CDH26: variants seen among roughly 807,000 people sequenced by gnomAD.
CDH26 encodes the protein cadherin-like protein 26.
CDH26 carries 83 observed loss-of-function variants against 90.3 expected under a neutral mutation model. That is an observed-to-expected ratio of 0.92 (90% CI 0.77 to 1.10). CDH26 has a LOEUF of 1.10. Ranked by LOEUF, CDH26 falls within the 50% of genes least tolerant of loss-of-function variation. CDH26 has a pLI of 0.00. For synonymous variants in CDH26, 397 were observed against 396.3 expected, an observed-to-expected ratio of 1.00 and a Z score of -0.02; for missense variants, 1,013 against 1,037.6, an observed-to-expected ratio of 0.98 and a Z score of 0.33.
rs142802944 is a variant in CDH26, at chr20:59,970,300, A to G, written c.231+114A>G. ...ATGTGCTAGTGAGGCCAGGGAGTGA[A>G]GTAGAGCAGAAGGAGCACTGGCCTG... On this transcript the variant is annotated intron_variant, in intron 3 of 17. Transcript: ENST00000348616. The G allele has an allele frequency of 1.4e-3, 2,016 of 1,404,368 alleles. 3 individuals are homozygous for G. Among genetic ancestry groups the G allele is most frequent in the Non-Finnish European group, 1.8e-3 (1,899 of 1,056,646 alleles). The allele number at this position is 1,404,368 out of a possible 1,614,324, so 87.0% of individuals were successfully genotyped here.
intron 15 of CDH26, 68 bp downstream of exon 15, chr20:60,001,479 A>G: frequency 6.3e-7 from 1 of 1,578,116 alleles, no homozygotes; most frequent in Non-Finnish European, 8.6e-7. Flanking sequence ...TCCCCCTGAG[A>G]GAGGGCCGTT....
intron 1 of CDH26, among the ~76,000 whole-genome samples, chr20:59,967,863 TTCTTTCTTTCTTTCTTC>T: frequency 8.6e-6 from 1 of 116,380 alleles, no homozygotes; most frequent in African/African-American, 4.9e-5. Flanking sequence ...CTTTCTTTCT[TTCTTTCTTTCTTTCTTC>T]CTTCCTTCCT....
At chr20:60,018,985 A>C (rs2061930670), downstream of CDH26, among the ~76,000 whole-genome samples, 1 of 152,012 alleles carries the variant, frequency 6.6e-6, no homozygotes, top group Non-Finnish European at 1.5e-5. Flanking sequence ...TGCTTGGTAT[A>C]ATATTATAGT....
chr20:60,003,551 A>G (rs2061702817), intron 16 of CDH26, among the ~76,000 whole-genome samples: 1 of 152,176 alleles, frequency 6.6e-6, no homozygotes, highest in African/African-American at 2.4e-5. Flanking sequence ...TTACAATGTT[A>G]GGATTCTCTT....
At chr20:59,972,369 G>A (rs2061273506) in intron 4 of CDH26, among the ~76,000 whole-genome samples, 1 of 152,156 alleles carries the variant, frequency 6.6e-6, no homozygotes, top group South Asian at 2.1e-4. Flanking sequence ...AATGACCAGT[G>A]TCCTAGCATG....
downstream of CDH26, among the ~76,000 whole-genome samples, chr20:60,035,837 G>A (rs1297141140): frequency 6.6e-6 from 1 of 151,924 alleles, no homozygotes; most frequent in African/African-American, 2.4e-5. Context: ...GTGAAGAAGA[G>A]CATGTTTGCT....
chr20:59,962,665 C>A (rs560789470), intron 1 of CDH26, among the ~76,000 whole-genome samples: 1 of 152,134 alleles, frequency 6.6e-6, no homozygotes, highest in Non-Finnish European at 1.5e-5. Context: ...CTTCAATATA[C>A]GCTTTTAGGG....
rs571293119 is a variant in CDH26, at chr20:59,994,537, T to G, written c.1666+48T>G. 3.1e-6 allele frequency: 5 copies of G among 1,602,192 alleles called. No homozygotes were observed. In the Middle Eastern group the frequency reaches 6.6e-4, roughly 213 times the overall value. On this transcript the variant is annotated intron_variant, in intron 11 of 17. Transcript: ENST00000348616. ...GGCAAAGAGTGGAAAATGCCAGATA[T>G]CCAATTCAAACAGATTTAGGCAAAA...
intron 1 of CDH26, among the ~76,000 whole-genome samples, chr20:59,961,681 C>T (rs2061076585): frequency 6.6e-6 from 1 of 152,176 alleles, no homozygotes; most frequent in African/African-American, 2.4e-5. Flanking sequence ...TCCCCACACC[C>T]TTTCTTTGTC....
At chr20:59,977,433 G>A (rs1187595249) in intron 4 of CDH26, among the ~76,000 whole-genome samples, 1 of 151,896 alleles carries the variant, frequency 6.6e-6, no homozygotes, top group Non-Finnish European at 1.5e-5. Flanking sequence ...TTATACTAGA[G>A]CAATGAGAGA....
At chr20:59,973,050 T>TCTGTTAAAAAGAAGGACTTTTAACAGTGC (rs1200155249) in intron 4 of CDH26, among the ~76,000 whole-genome samples, 6 of 152,314 alleles carry the variant, frequency 3.9e-5, no homozygotes, top group African/African-American at 9.6e-5. Context: ...ATTCACAGTG[T>TCTGTTAAAAAGAAGGACTTTTAACAGTGC]CTGTTAAAAA....
intron 4 of CDH26, among the ~76,000 whole-genome samples, chr20:59,979,601 CTTTTTTTTTTTTTTTT>C (rs559969476): frequency 2.4e-3 from 114 of 47,450 alleles, no homozygotes; most frequent in Non-Finnish European, 3.1e-3. Flanking sequence ...CTGCTATGCA[CTTTTTTTTTTTTTTTT>C]TTTTTTTTTT....
chr20:60,000,418 C>T (rs940725858), intron 14 of CDH26, among the ~76,000 whole-genome samples: 3 of 152,182 alleles, frequency 2.0e-5, no homozygotes, highest in Non-Finnish European at 4.4e-5. Context: ...GTGAGGAGGG[C>T]TGGGTTCGCC....
At chr20:59,969,850 T>C (rs1203738185) in intron 2 of CDH26, among the ~76,000 whole-genome samples, 1 of 152,176 alleles carries the variant, frequency 6.6e-6, no homozygotes, top group Non-Finnish European at 1.5e-5. Context: ...TGAAATTATC[T>C]CAAGAACCAC....
intron 16 of CDH26, among the ~76,000 whole-genome samples, chr20:60,004,737 G>A (rs9647026): frequency 0.018 from 2,395 of 135,730 alleles, 38 homozygotes; most frequent in Middle Eastern, 0.032. Flanking sequence ...CTGCACTCCA[G>A]CCTGGGTGAC....
At chr20:59,988,779 C>T in intron 8 of CDH26, 125 bp from the exon 9 acceptor site, 3 of 976,322 alleles carry the variant, frequency 3.1e-6, no homozygotes, top group Admixed American at 5.4e-5. Context: ...TTATCAAAGA[C>T]AACGTAAATA....
intron 4 of CDH26, among the ~76,000 whole-genome samples, chr20:59,981,879 T>A (rs2061398936): frequency 6.6e-6 from 1 of 152,130 alleles, no homozygotes; most frequent in South Asian, 2.1e-4. Flanking sequence ...TGAAGTCATC[T>A]GGGCCTGGAG....
Position 59,984,679 on chromosome 20 carries a change from A to G in CDH26, c.582A>G (p.Glu194=), listed in dbSNP as rs1217150821. 1 of 1,613,120 alleles carries G rather than the reference A, an allele frequency of 6.2e-7. No individual in the cohort carries two copies. Among genetic ancestry groups the G allele is most frequent in the Non-Finnish European group, 8.5e-7 (1 of 1,179,740 alleles). The change falls in exon 6 of 18, where the codon GAA becomes GAG. Residue 194 remains glutamate, a synonymous_variant. Transcript: ENST00000348616. The part of the protein sequence containing the change: ...IFQMLAVDLD[E]ENTPNSQVLY... ...AGATGTTAGCAGTCGATTTGGATGA[A>G]GAAAACACTCCAAATTCTCAAGTCC...
chr20:60,021,869 C>CACACAT (rs2061956943), intron 7 of CDH26, among the ~76,000 whole-genome samples: 1 of 102,862 alleles, frequency 9.7e-6, no homozygotes, highest in Non-Finnish European at 2.2e-5. Flanking sequence ...CACACACACA[C>CACACAT]ACACACACAC....
Sources: gnomAD v4.1 joint callset for allele counts (sites outside exome capture counted in the v4.1 genomes callset) on GRCh38, gnomAD v4.1.1 for gene constraint, MANE v1.5 for transcripts, NCBI Gene and HGNC (gene_info 2026-07-23, HGNC 2026-07-21) for gene names.